The following GUCY1A2 variants were observed in gnomAD, a reference collection of about 807,000 sequenced individuals.
GUCY1A2 encodes the protein guanylate cyclase 1 soluble subunit alpha 2.
GUCY1A2 carries 27 observed loss-of-function variants against 63.5 expected under a neutral mutation model. The observed-to-expected ratio is 0.43, with a 90% CI of 0.31 to 0.59. GUCY1A2 has a LOEUF of 0.59. Among genes scored for constraint, GUCY1A2 ranks in the 20% least tolerant of loss-of-function variants. The pLI is 0.11. For synonymous variants in GUCY1A2, 364 were observed against 343.5 expected (o/e 1.06, Z -0.66); for missense variants, 768 against 913.3 (o/e 0.84, Z 2.05).
intron 2 of GUCY1A2, among the ~76,000 whole-genome samples, chr11:106,979,335 G>T (rs1330016565): frequency 6.6e-6 from 1 of 151,830 alleles, no homozygotes; most frequent in Non-Finnish European, 1.5e-5. Context: ...GGCGCCTGTA[G>T]TCCCAGCTAC....
intron 4 of GUCY1A2, among the ~76,000 whole-genome samples, chr11:106,833,139 A>G (rs1055782871): frequency 2.0e-5 from 3 of 151,996 alleles, no homozygotes; most frequent in Non-Finnish European, 2.9e-5. Flanking sequence ...TCTGTGTCCA[A>G]ATATTTCCCT....
At chr11:106,717,126 A>ATTGT (rs1484013124) in intron 6 of GUCY1A2, among the ~76,000 whole-genome samples, 2 of 152,200 alleles carry the variant, frequency 1.3e-5, no homozygotes, top group Non-Finnish European at 2.9e-5. Flanking sequence ...GATTCCTTTA[A>ATTGT]TTGTTTATGC....
chr11:106,861,010 G>A (rs1418764543), intron 4 of GUCY1A2, among the ~76,000 whole-genome samples: 1 of 151,894 alleles, frequency 6.6e-6, no homozygotes, highest in Admixed American at 6.6e-5. Context: ...ATGAGAAGAA[G>A]ATTATTTGCT....
chr11:106,729,238 TAGAAGGA>T (rs1379045541), intron 6 of GUCY1A2, among the ~76,000 whole-genome samples: 2 of 152,146 alleles, frequency 1.3e-5, no homozygotes, highest in East Asian at 1.9e-4. Context: ...GGATTGAAGC[TAGAAGGA>T]AGAATTGGTG....
At chr11:106,913,815 G>T (rs1428298255) in intron 4 of GUCY1A2, among the ~76,000 whole-genome samples, 1 of 151,906 alleles carries the variant, frequency 6.6e-6, no homozygotes, top group Non-Finnish European at 1.5e-5. Flanking sequence ...AAATGCCAAA[G>T]AGATTTCCTA....
chr11:106,773,960 A>T (rs1565285352), intron 6 of GUCY1A2, among the ~76,000 whole-genome samples: 1 of 152,154 alleles, frequency 6.6e-6, no homozygotes, highest in East Asian at 1.9e-4. Context: ...TCTAATGACA[A>T]ATTTATAGTT....
chr11:106,967,174 T>A (rs1861136776), intron 3 of GUCY1A2, among the ~76,000 whole-genome samples: 1 of 152,196 alleles, frequency 6.6e-6, no homozygotes, highest in Non-Finnish European at 1.5e-5. Flanking sequence ...CTGCTTGTTC[T>A]CTGGCTGAAA....
intron 5 of GUCY1A2, among the ~76,000 whole-genome samples, chr11:106,807,039 A>C (rs1858698862): frequency 6.6e-6 from 1 of 152,090 alleles, no homozygotes; most frequent in African/African-American, 2.4e-5. Flanking sequence ...CACTCCATCT[A>C]GTTCTTTTCT....
At chr11:106,695,421 G>A (rs1862700544) in intron 7 of GUCY1A2, among the ~76,000 whole-genome samples, 1 of 152,116 alleles carries the variant, frequency 6.6e-6, no homozygotes, top group Non-Finnish European at 1.5e-5. Flanking sequence ...GAATGCATTT[G>A]GATTCTATTG....
chr11:106,988,319 T>C (rs1483118829), intron 1 of GUCY1A2, among the ~76,000 whole-genome samples: 1 of 152,154 alleles, frequency 6.6e-6, no homozygotes, highest in Non-Finnish European at 1.5e-5. Flanking sequence ...TAAGATAACT[T>C]TCCCCTTGGC....
chr11:106,861,359 G>A (rs553725593), intron 4 of GUCY1A2, among the ~76,000 whole-genome samples: 3 of 152,080 alleles, frequency 2.0e-5, no homozygotes, highest in Admixed American at 6.6e-5. Flanking sequence ...CTACATGCAC[G>A]TAGTCTGTTG....
intron 4 of GUCY1A2, among the ~76,000 whole-genome samples, chr11:106,927,244 G>A (rs1011522755): frequency 6.6e-6 from 1 of 151,370 alleles, no homozygotes; most frequent in African/African-American, 2.4e-5. Flanking sequence ...GTGGTGGCGG[G>A]CGCCTGTAGT....
At chr11:106,846,148 G>C (rs1362189013) in intron 4 of GUCY1A2, among the ~76,000 whole-genome samples, 1 of 151,506 alleles carries the variant, frequency 6.6e-6, no homozygotes, top group Non-Finnish European at 1.5e-5. Flanking sequence ...TACTCAATTG[G>C]ATCCTAGGAG....
intron 6 of GUCY1A2, among the ~76,000 whole-genome samples, chr11:106,730,059 A>AATATATATATATATATAT (rs60486225): frequency 2.7e-3 from 275 of 103,280 alleles, no homozygotes; most frequent in Middle Eastern, 6.3e-3. Context: ...ATCAGCATGG[A>AATATATATATATATATAT]ATATATATAT....
At chr11:106,805,281 T>TG (rs1177503845) in intron 5 of GUCY1A2, among the ~76,000 whole-genome samples, 15 of 151,648 alleles carry the variant, frequency 9.9e-5, no homozygotes, top group African/African-American at 2.4e-5. Context: ...AGTCTCACTC[T>TG]GTTGCCCAGG....
intron 6 of GUCY1A2, among the ~76,000 whole-genome samples, chr11:106,716,071 G>A (rs1863207770): frequency 6.6e-6 from 1 of 152,146 alleles, no homozygotes; most frequent in South Asian, 2.1e-4. Flanking sequence ...GGGGTGGGAG[G>A]AGAACATCCA....
chr11:107,014,079 CTTTTTTTTTT>C (rs71044206), intron 1 of GUCY1A2, among the ~76,000 whole-genome samples: 17 of 70,020 alleles, frequency 2.4e-4, no homozygotes, highest in East Asian at 4.7e-4. Context: ...CCATGTTTTC[CTTTTTTTTTT>C]TTTTTTTTTT....
At chr11:106,786,148 C>G (rs1484423451) in intron 5 of GUCY1A2, among the ~76,000 whole-genome samples, 2 of 152,066 alleles carry the variant, frequency 1.3e-5, no homozygotes, top group African/African-American at 2.4e-5. Context: ...TTAAACACAC[C>G]CAAGCTCATT....
chr11:106,915,151 T>A (rs949356809), intron 4 of GUCY1A2, among the ~76,000 whole-genome samples: 29 of 152,144 alleles, frequency 1.9e-4, no homozygotes, highest in African/African-American at 6.8e-4. Flanking sequence ...ACTTGGATCT[T>A]TTTGAAGAAA....
Sources: allele counts gnomAD v4.1 joint callset (sites outside exome capture counted in the v4.1 genomes callset), GRCh38; gene constraint gnomAD v4.1.1; transcripts MANE v1.5; gene names NCBI Gene and HGNC (gene_info 2026-07-23, HGNC 2026-07-21).